Variants in LGSN observed in about 807,000 individuals in gnomAD.
LGSN encodes lengsin, lens protein with glutamine synthetase domain, also known as lengsin.
Under a neutral mutation model 19.5 loss-of-function variants are expected in LGSN, and 21 were observed. The observed-to-expected ratio is 1.07, with a 90% CI of 0.76 to 1.55. The LOEUF (loss-of-function observed/expected upper bound fraction) is 1.55. LGSN is among the 40% of genes most tolerant of loss of function. The pLI is 0.00. For missense variants in LGSN, 673 were observed against 608.5 expected (o/e 1.11, Z -1.12); for synonymous variants, 257 against 215.6 (o/e 1.19, Z -1.68).
the LGSN span, among the ~76,000 whole-genome samples, chr6:63,530,307 A>C: frequency 6.6e-6 from 1 of 152,210 alleles, no homozygotes; most frequent in African/African-American, 2.4e-5. Context: ...TGTGAGACAC[A>C]GCTACAGACA....
At chr6:63,545,669 C>T in the LGSN span, among the ~76,000 whole-genome samples, 1 of 151,876 alleles carries the variant, frequency 6.6e-6, no homozygotes. Context: ...TTTCCTGCCC[C>T]AGCCCTGGAA....
the LGSN span, among the ~76,000 whole-genome samples, chr6:63,381,244 C>T: frequency 1.3e-5 from 2 of 152,186 alleles, no homozygotes; most frequent in Admixed American, 1.3e-4. Flanking sequence ...GCTTATGATG[C>T]CAAATAAAAC....
chr6:63,348,214 G>A, the LGSN span, among the ~76,000 whole-genome samples: 1 of 152,178 alleles, frequency 6.6e-6, no homozygotes, highest in African/African-American at 2.4e-5. Context: ...TATGGACTGG[G>A]AGGCAGAAAT....
chr6:63,320,957 A>G (rs144204389), upstream of LGSN, among the ~76,000 whole-genome samples: 2 of 152,256 alleles, frequency 1.3e-5, no homozygotes, highest in East Asian at 1.9e-4. Flanking sequence ...TACTTGTTCC[A>G]TGACTGACTC....
the LGSN span, among the ~76,000 whole-genome samples, chr6:63,480,974 T>G: frequency 4.0e-4 from 12 of 29,834 alleles, 1 homozygote; most frequent in South Asian, 1.2e-3. Context: ...TATATATATA[T>G]ATATATATAT....
chr6:63,369,516 G>A, the LGSN span, among the ~76,000 whole-genome samples: 2 of 152,202 alleles, frequency 1.3e-5, no homozygotes, highest in African/African-American at 4.8e-5. Flanking sequence ...CTGATGCCCA[G>A]TCTTCACCCT....
the LGSN span, among the ~76,000 whole-genome samples, chr6:63,377,801 C>G: frequency 6.6e-6 from 1 of 150,702 alleles, no homozygotes; most frequent in Non-Finnish European, 1.5e-5. Flanking sequence ...CTAGTCCCAG[C>G]TACTCAGGAG....
At chr6:63,509,487 T>C in the LGSN span, among the ~76,000 whole-genome samples, 1 of 152,202 alleles carries the variant, frequency 6.6e-6, no homozygotes, top group African/African-American at 2.4e-5. Flanking sequence ...TGTGCGCATG[T>C]TGTATATTTG....
chr6:63,298,230 A>G (rs1216964303), intron 1 of LGSN, among the ~76,000 whole-genome samples: 2 of 152,234 alleles, frequency 1.3e-5, no homozygotes, highest in African/African-American at 4.8e-5. Context: ...TCTCGAATCA[A>G]CTGGGGATCA....
At chr6:63,535,275 G>A in the LGSN span, among the ~76,000 whole-genome samples, 1 of 151,986 alleles carries the variant, frequency 6.6e-6, no homozygotes, top group African/African-American at 2.4e-5. Context: ...GACTAGCCTG[G>A]CCAACATGGT....
the LGSN span, among the ~76,000 whole-genome samples, chr6:63,397,494 T>A: frequency 4.6e-5 from 7 of 151,116 alleles, no homozygotes; most frequent in Non-Finnish European, 8.8e-5. Flanking sequence ...TGGGATTATA[T>A]GGTCCAAGGA....
the LGSN span, among the ~76,000 whole-genome samples, chr6:63,467,185 T>A: frequency 1.3e-5 from 2 of 152,236 alleles, no homozygotes; most frequent in Admixed American, 6.5e-5. Context: ...TTCATTTGAA[T>A]TGTTCTTTAT....
At chr6:63,370,543 G>A in the LGSN span, among the ~76,000 whole-genome samples, 1 of 152,252 alleles carries the variant, frequency 6.6e-6, no homozygotes, top group African/African-American at 2.4e-5. Flanking sequence ...GTGAACTCCT[G>A]TGGGACATGG....
At chr6:63,382,304 T>G in the LGSN span, among the ~76,000 whole-genome samples, 1 of 152,232 alleles carries the variant, frequency 6.6e-6, no homozygotes, top group Non-Finnish European at 1.5e-5. Flanking sequence ...CCAAAATTAT[T>G]GGTGTATGTA....
At chr6:63,387,663 G>C in the LGSN span, among the ~76,000 whole-genome samples, 2 of 151,902 alleles carry the variant, frequency 1.3e-5, no homozygotes, top group South Asian at 2.1e-4. Context: ...CAATGGGAGA[G>C]ATGTCACAGA....
At chr6:63,314,081 T>A (rs939795740) in intron 1 of LGSN, among the ~76,000 whole-genome samples, 1 of 151,894 alleles carries the variant, frequency 6.6e-6, no homozygotes, top group Non-Finnish European at 1.5e-5. Context: ...AAGGGGTAGA[T>A]CGTTAGAAGA....
At chr6:63,554,670 C>T in the LGSN span, among the ~76,000 whole-genome samples, 1 of 152,014 alleles carries the variant, frequency 6.6e-6, no homozygotes, top group South Asian at 2.1e-4. Flanking sequence ...GCATGTAGTC[C>T]CAGCTACTGG....
the LGSN span, among the ~76,000 whole-genome samples, chr6:63,341,741 C>G: frequency 6.6e-6 from 1 of 151,312 alleles, no homozygotes; most frequent in Non-Finnish European, 1.5e-5. Context: ...TTTGCTTTGC[C>G]TTTTTTTTTC....
the LGSN span, among the ~76,000 whole-genome samples, chr6:63,412,487 A>AGAAGAAAGAG: frequency 1.5e-5 from 1 of 67,410 alleles, no homozygotes; most frequent in Non-Finnish European, 2.7e-5. Context: ...GAAAGAGAAG[A>AGAAGAAAGAG]AAGAAAGAAA....
Sources: allele counts gnomAD v4.1 joint callset (sites outside exome capture counted in the v4.1 genomes callset), GRCh38; gene constraint gnomAD v4.1.1; transcripts MANE v1.5; gene names NCBI Gene and HGNC (gene_info 2026-07-23, HGNC 2026-07-21).